The following PLCB4 variants were observed in gnomAD, a reference collection of about 807,000 sequenced individuals.
PLCB4 encodes phospholipase C beta 4, also known as 1-phosphatidylinositol 4,5-bisphosphate phosphodiesterase beta-4.
PLCB4 carries 77 observed loss-of-function variants against 178.8 expected under a neutral mutation model. The observed-to-expected ratio is 0.43, with a 90% CI of 0.36 to 0.52. The LOEUF is 0.52. PLCB4 is among the 20% of genes least tolerant of loss of function. PLCB4 has a pLI of 0.00. For missense variants in PLCB4, 1,024 were observed against 1,453.4 expected, an observed-to-expected ratio of 0.70 and a Z score of 4.80; for synonymous variants, 496 against 490.8, an observed-to-expected ratio of 1.01 and a Z score of -0.14.
intron 7 of PLCB4, among the ~76,000 whole-genome samples, chr20:9,355,067 C>T (rs2034673855): frequency 6.6e-6 from 1 of 152,066 alleles, no homozygotes; most frequent in Admixed American, 6.5e-5. Flanking sequence ...CTTATAATTC[C>T]CCCAGGTGAT....
chr20:9,473,254 A>AT (rs3037097), intron 37 of PLCB4, 25 bp from the exon 38 acceptor site: 43,897 of 1,190,838 alleles, frequency 0.037, 70 homozygotes, highest in African/African-American at 0.047. Flanking sequence ...TTCAATCAGA[A>AT]TTTTTTTTTT....
chr20:9,351,963 C>T (rs762944114), intron 7 of PLCB4, among the ~76,000 whole-genome samples: 3 of 152,160 alleles, frequency 2.0e-5, no homozygotes, highest in Non-Finnish European at 4.4e-5. Context: ...CAGCTGTTTA[C>T]TCATCCCATA....
chr20:9,407,876 T>C (rs892547595), intron 21 of PLCB4, 41 bp from the exon 22 acceptor site: 3 of 1,580,154 alleles, frequency 1.9e-6, no homozygotes, highest in Non-Finnish European at 2.6e-6. Context: ...TGGGTCCTAC[T>C]GAAGTCATCA....
At chr20:9,334,454 G>C (rs980414037) in intron 4 of PLCB4, among the ~76,000 whole-genome samples, 1 of 152,136 alleles carries the variant, frequency 6.6e-6, no homozygotes, top group African/African-American at 2.4e-5. Context: ...AGTAACCATT[G>C]AGAAGGAAAT....
At chr20:9,293,436 C>T (rs1046622519) in intron 3 of PLCB4, among the ~76,000 whole-genome samples, 4 of 148,624 alleles carry the variant, frequency 2.7e-5, no homozygotes, top group Admixed American at 1.3e-4. Flanking sequence ...AGTCACTGCA[C>T]TCCAGCCTGG....
At chr20:9,136,368 G>C (rs184505216) in intron 2 of PLCB4, among the ~76,000 whole-genome samples, 159 of 152,174 alleles carry the variant, frequency 1.0e-3, no homozygotes, top group Middle Eastern at 6.8e-3. Flanking sequence ...AGATTCCACT[G>C]TGGGCAACTG....
intron 20 of PLCB4, 121 bp from the exon 21 acceptor site, chr20:9,405,192 A>G: frequency 1.7e-6 from 1 of 576,930 alleles, no homozygotes; most frequent in Non-Finnish European, 3.1e-6. Flanking sequence ...GTCCCACCTT[A>G]GCAAATAAAT....
At chr20:9,087,164 T>C (rs2090467654) in intron 1 of PLCB4, among the ~76,000 whole-genome samples, 1 of 152,230 alleles carries the variant, frequency 6.6e-6, no homozygotes, top group Non-Finnish European at 1.5e-5. Flanking sequence ...TTTAGTCCAT[T>C]TACATTTAAA....
Position 9,479,045 on chromosome 20 carries a change from A to G in PLCB4, c.*36A>G. ...CCACAAAGCATCAAAAGACTCACTC[A>G]CAAACTTCTGAACACAAACTCCATG... On this transcript the variant is annotated 3_prime_UTR_variant, in exon 40 of 40. Transcript: ENST00000378473. 6.9e-7 allele frequency: 1 copy of G among 1,448,570 alleles called. No homozygotes were observed. Among genetic ancestry groups the G allele is most frequent in the Non-Finnish European group, 9.7e-7 (1 of 1,031,450 alleles). The allele number at this position is 1,448,570 out of a possible 1,614,324, so 89.7% of individuals were successfully genotyped here.
chr20:9,352,621 G>T (rs2034448590), intron 7 of PLCB4, among the ~76,000 whole-genome samples: 2 of 152,128 alleles, frequency 1.3e-5, no homozygotes, highest in Admixed American at 6.5e-5. Context: ...AGACTGTTTT[G>T]ACTCTCTGGG....
chr20:9,458,764 G>C (rs927725545), intron 34 of PLCB4, among the ~76,000 whole-genome samples: 2 of 152,062 alleles, frequency 1.3e-5, no homozygotes, highest in Non-Finnish European at 2.9e-5. Flanking sequence ...CTATCTCATT[G>C]GCTAAAGCAA....
chr20:9,259,814 G>C (rs2048437498), intron 3 of PLCB4, among the ~76,000 whole-genome samples: 1 of 151,940 alleles, frequency 6.6e-6, no homozygotes, highest in Non-Finnish European at 1.5e-5. Context: ...TGAAAAAAAA[G>C]AATGTAGAAT....
intron 3 of PLCB4, among the ~76,000 whole-genome samples, chr20:9,307,519 ACACACACACACAC>A (rs2094784509): frequency 6.6e-6 from 1 of 150,556 alleles, no homozygotes; most frequent in Non-Finnish European, 1.5e-5. Context: ...ACACACACAC[ACACACACACACAC>A]ACACACACAC....
chr20:9,097,233 T>C (rs75097375), intron 2 of PLCB4, among the ~76,000 whole-genome samples: 12 of 95,992 alleles, frequency 1.3e-4, no homozygotes, highest in Non-Finnish European at 2.1e-4. Flanking sequence ...CAGCCTGGCC[T>C]TTTTTTTTTT....
chr20:9,301,838 C>T (rs182980761), intron 3 of PLCB4, among the ~76,000 whole-genome samples: 2 of 152,158 alleles, frequency 1.3e-5, no homozygotes, highest in East Asian at 3.9e-4. Flanking sequence ...TTTCCTCTGC[C>T]CTAGTGCAAT....
At chr20:9,347,323 A>G (rs1471208356) in intron 7 of PLCB4, among the ~76,000 whole-genome samples, 1 of 152,198 alleles carries the variant, frequency 6.6e-6, no homozygotes, top group Non-Finnish European at 1.5e-5. Context: ...GATTTTTTAC[A>G]TGAAATCTCT....
At position 9,401,895 on chromosome 20, in the gene PLCB4, G is replaced by T. The variant is rs111962561; in HGVS notation, c.1611+305G>T. Among the ~76,000 whole-genome samples, 1,504 of 152,220 alleles carry T rather than the reference G, an allele frequency of 9.9e-3. 22 individuals carry two copies. The highest frequency in any genetic ancestry group is 0.035 in the African/African-American group (1,446 of 41,532). ...GGGAGAAAATGACAGCATCCCAGGGGTAAGATTTAATCTTGAATTCATCAG... is the reference window on the plus strand; with the variant it reads ...GGGAGAAAATGACAGCATCCCAGGGTTAAGATTTAATCTTGAATTCATCAG... On this transcript the variant is annotated intron_variant, in intron 20 of 39. Coordinates refer to ENST00000378473, the MANE Select transcript of PLCB4 (RefSeq NM_001377142.1).
intron 2 of PLCB4, among the ~76,000 whole-genome samples, chr20:9,178,328 T>A (rs888620500): frequency 1.1e-4 from 17 of 151,938 alleles, no homozygotes; most frequent in Admixed American, 3.9e-4. Context: ...TCTCAAAAAA[T>A]AAATAAATAA....
chr20:9,382,989 T>G (rs1040592982), intron 13 of PLCB4, among the ~76,000 whole-genome samples: 3 of 152,172 alleles, frequency 2.0e-5, no homozygotes, highest in African/African-American at 7.2e-5. Context: ...GGATAATAAA[T>G]TATGATATAT....
Sources: allele counts gnomAD v4.1 joint callset (sites outside exome capture counted in the v4.1 genomes callset), GRCh38; gene constraint gnomAD v4.1.1; transcripts MANE v1.5; gene names NCBI Gene and HGNC (gene_info 2026-07-23, HGNC 2026-07-21).